The following DCAF12 variants were observed in gnomAD, a reference collection of about 807,000 sequenced individuals.
DCAF12 encodes the protein DDB1 and CUL4 associated factor 12.
In DCAF12, 28 loss-of-function variants were observed where a neutral mutation model predicts 52.8. The observed-to-expected ratio is 0.53, with a 90% CI of 0.39 to 0.73. The LOEUF (loss-of-function observed/expected upper bound fraction) is 0.73, where lower values mean the gene tolerates loss of function less well. DCAF12 is among the 30% of genes least tolerant of loss of function. The pLI is 0.00. For missense variants in DCAF12, 425 were observed against 552.2 expected, an observed-to-expected ratio of 0.77 and a Z score of 2.31; for synonymous variants, 196 against 215.5, an observed-to-expected ratio of 0.91 and a Z score of 0.79.
At chr9:34,122,755 G>C (rs957447430) in intron 2 of DCAF12, among the ~76,000 whole-genome samples, 2 of 152,200 alleles carry the variant, frequency 1.3e-5, no homozygotes, top group African/African-American at 4.8e-5. Flanking sequence ...TGGGATTACA[G>C]GTGTGAGCCA....
At chr9:34,108,801 A>G in intron 2 of DCAF12, among the ~76,000 whole-genome samples, 1 of 126,138 alleles carries the variant, frequency 7.9e-6, no homozygotes, top group African/African-American at 2.8e-5. Flanking sequence ...CTCAAAAAAA[A>G]TAAATAAATA....
At chr9:34,106,633 T>G in intron 3 of DCAF12, 139 bp from the exon 4 acceptor site, 2 of 650,530 alleles carry the variant, frequency 3.1e-6, no homozygotes, top group Non-Finnish European at 5.3e-6. Flanking sequence ...TCTCTGGTGG[T>G]CTCAACCCAC....
At position 34,114,279 on chromosome 9, in the gene DCAF12, T is replaced by G. The variant is rs909250732; in HGVS notation, c.334-6714A>C. ...TATGTGGAACCTTAAAAAGTTGATC[T>G]TGGCTGGATGCGGTGGCTCACACCT... On this transcript the variant is annotated intron_variant, in intron 2 of 8. Coordinates refer to ENST00000361264, the MANE Select transcript of DCAF12 (RefSeq NM_015397.4). Among the ~76,000 whole-genome samples, 3 of 152,032 alleles carry G rather than the reference T, an allele frequency of 2.0e-5. No individual in the cohort carries two copies. In the East Asian group the frequency reaches 5.8e-4, roughly 29 times the overall value.
chr9:34,122,474 T>A (rs1460586972), intron 2 of DCAF12, among the ~76,000 whole-genome samples: 1 of 72,432 alleles, frequency 1.4e-5, no homozygotes, highest in Non-Finnish European at 2.9e-5. Flanking sequence ...TTAGTATCAA[T>A]TTTTTTTTTT....
chr9:34,107,669 C>T (rs770796112), intron 2 of DCAF12, 104 bp from the exon 3 acceptor site: 16 of 937,246 alleles, frequency 1.7e-5, no homozygotes, highest in Non-Finnish European at 2.5e-5. Context: ...TAATTAACAA[C>T]TACTACATGT....
chr9:34,091,481 CA>C (rs1278512654), intron 7 of DCAF12, among the ~76,000 whole-genome samples: 2 of 151,518 alleles, frequency 1.3e-5, no homozygotes, highest in African/African-American at 4.9e-5. Context: ...TACAAAAATA[CA>C]AAAATTAGCT....
intron 8 of DCAF12, 137 bp downstream of exon 8, chr9:34,089,275 G>C: frequency 9.8e-7 from 1 of 1,015,822 alleles, no homozygotes; most frequent in Non-Finnish European, 1.4e-6. Flanking sequence ...ATCGGGGGAA[G>C]TCTTTTCCTG....
At position 34,098,230 on chromosome 9, in the gene DCAF12, T is replaced by C. The variant is rs1828769954; in HGVS notation, c.795+94A>G. On this transcript the variant is annotated intron_variant, in intron 5 of 8. Coordinates refer to ENST00000361264, the MANE Select transcript of DCAF12 (RefSeq NM_015397.4). ...GTTCTGTGGGCTCAGAACCATGCTA[T>C]GTAGCAAGCACTGATGGGGAAGGAA... is the stretch of plus-strand genomic sequence containing the variant. The C allele has an allele frequency of 3.0e-6, 4 of 1,322,156 alleles. No individual in the cohort carries two copies. In the South Asian group the frequency reaches 5.5e-5, roughly 18 times the overall value. 81.9% of individuals were successfully genotyped at this position (1,322,156 alleles called of 1,614,324 possible).
chr9:34,110,194 T>C (rs79101901), intron 2 of DCAF12, among the ~76,000 whole-genome samples: 2,588 of 152,188 alleles, frequency 0.017, 73 homozygotes, highest in African/African-American at 0.058. Context: ...ACTGGCATCA[T>C]TGCTGATGCA....
intron 2 of DCAF12, chr9:34,109,904 C>A: frequency 4.1e-6 from 1 of 242,644 alleles, no homozygotes; most frequent in Non-Finnish European, 8.9e-6. Context: ...AGCTGGTGGA[C>A]GGAGAGGGTG....
At chr9:34,090,794 A>T (rs1828630736) in intron 7 of DCAF12, among the ~76,000 whole-genome samples, 2 of 151,696 alleles carry the variant, frequency 1.3e-5, no homozygotes. Flanking sequence ...AGCTGGAACT[A>T]CAGGCACCCG....
intron 2 of DCAF12, among the ~76,000 whole-genome samples, chr9:34,123,795 A>G (rs552408166): frequency 6.6e-6 from 1 of 151,828 alleles, no homozygotes. Context: ...CAAGCAGGAG[A>G]CTCTTTTTCT....
At chr9:34,093,653 C>T in intron 6 of DCAF12, 1 of 536,602 alleles carries the variant, frequency 1.9e-6, no homozygotes, top group East Asian at 3.2e-5. Flanking sequence ...GACCTAGATA[C>T]TGAAGGAGAT....
intron 2 of DCAF12, among the ~76,000 whole-genome samples, chr9:34,112,815 T>C (rs1280982167): frequency 6.6e-6 from 1 of 151,912 alleles, no homozygotes; most frequent in Non-Finnish European, 1.5e-5. Context: ...GGTGAATCGC[T>C]TGAACCCGGG....
chr9:34,099,600 T>TC (rs890568162), intron 4 of DCAF12, among the ~76,000 whole-genome samples: 4 of 150,484 alleles, frequency 2.7e-5, no homozygotes, highest in South Asian at 2.1e-4. Flanking sequence ...TTCTTTTTTT[T>TC]CCCTTTTTTT....
At position 34,088,263 on chromosome 9, in the gene DCAF12, TCACA is replaced by T. The variant is rs757931431; in HGVS notation, c.*83_*86del. 3.0e-5 allele frequency: 43 copies of T among 1,445,382 alleles called. No individual in the cohort carries two copies. Among genetic ancestry groups the T allele is most frequent in the Non-Finnish European group, 3.9e-5 (42 of 1,085,442 alleles). 89.5% of individuals were successfully genotyped at this position (1,445,382 alleles called of 1,614,324 possible). A position where few individuals can be genotyped will look rare whatever the true frequency, so the allele number is the denominator to read the frequency against. The stretch of plus-strand genomic sequence containing the variant: ...GTGTTCCCACTAAAACACAAGAGCC[TCACA>T]CAATTAGGAAAAAAAAAATCAAAAG... On this transcript the variant is annotated 3_prime_UTR_variant, in exon 9 of 9. Transcript: ENST00000361264.
chr9:34,113,214 G>C (rs145575390), intron 2 of DCAF12, among the ~76,000 whole-genome samples: 2,242 of 152,106 alleles, frequency 0.015, 54 homozygotes, highest in African/African-American at 0.05. Flanking sequence ...ACCACGCCCG[G>C]CTAATTTTTG....
At chr9:34,098,284 A>T in intron 5 of DCAF12, 40 bp downstream of exon 5, 2 of 1,590,754 alleles carry the variant, frequency 1.3e-6, no homozygotes, top group South Asian at 2.3e-5. Flanking sequence ...AGACATAAGC[A>T]AGAGGAATAC....
At position 34,098,457 on chromosome 9, in the gene DCAF12, T is replaced by C. The variant is rs1828774412; in HGVS notation, c.662A>G (p.Asp221Gly). Reference protein sequence around the residue: ...EVTDDVLTKSDARHNVSRVPV... With the variant: ...EVTDDVLTKSGARHNVSRVPV... ...GACCCGTGACACATTGTGTCTCGCA[T>C]CACTTTTGGTCAAAACATCATCTGT... The change falls in exon 5 of 9, where the codon GAT (aspartate) becomes GGT (glycine). Residue 221 changes from aspartate (D) to glycine (G), a missense_variant. By Grantham distance (94) the Asp-to-Gly change is moderately conservative. Around this residue, in one of 3 missense-constraint regions of DCAF12, gnomAD observed 328 missense variants for 444.4 expected, o/e 0.74. Transcript: ENST00000361264. 2 of 1,614,074 alleles carry C rather than the reference T, an allele frequency of 1.2e-6. No homozygotes were observed. Among genetic ancestry groups the C allele is most frequent in the Non-Finnish European group, 1.7e-6 (2 of 1,180,054 alleles).
Sources: allele counts gnomAD v4.1 joint callset (sites outside exome capture counted in the v4.1 genomes callset), GRCh38; gene constraint gnomAD v4.1.1; regional missense constraint gnomAD v4.1.1; transcripts MANE v1.5; gene names NCBI Gene and HGNC (gene_info 2026-07-23, HGNC 2026-07-21).